Variants in PRKCE observed in about 807,000 individuals in gnomAD.
PRKCE encodes protein kinase C epsilon type.
A neutral mutation model predicts 85.4 loss-of-function variants in PRKCE; 16 were observed. The observed-to-expected ratio is 0.19, with a 90% CI of 0.13 to 0.28. The LOEUF (loss-of-function observed/expected upper bound fraction) is 0.28, where lower values mean the gene tolerates loss of function less well. Ranked by LOEUF, PRKCE falls within the 10% of genes least tolerant of loss-of-function variation. The pLI is 1.00. For synonymous variants in PRKCE, 388 were observed against 371.5 expected (o/e 1.04, Z -0.51); for missense variants, 573 against 975.2 (o/e 0.59, Z 5.49).
chr2:46,017,030 T>TC, intron 10 of PRKCE, among the ~76,000 whole-genome samples: 1 of 151,290 alleles, frequency 6.6e-6, no homozygotes, highest in African/African-American at 2.4e-5. Flanking sequence ...CCCCTTTTTT[T>TC]TTTCGGAATT....
intron 2 of PRKCE, among the ~76,000 whole-genome samples, chr2:45,884,978 TATATATATA>T (rs1276515514): frequency 1.4e-5 from 1 of 69,194 alleles, no homozygotes; most frequent in Admixed American, 1.8e-4. Context: ...TATATATATA[TATATATATA>T]TATATATATA....
At chr2:45,761,186 G>A (rs1015887406) in intron 1 of PRKCE, among the ~76,000 whole-genome samples, 6 of 152,000 alleles carry the variant, frequency 3.9e-5, no homozygotes, top group Non-Finnish European at 7.4e-5. Flanking sequence ...AATTAGCCGA[G>A]TGTGGTGGTG....
chr2:45,730,707 G>C (rs754434046), intron 1 of PRKCE, among the ~76,000 whole-genome samples: 22 of 151,898 alleles, frequency 1.4e-4, no homozygotes, highest in Admixed American at 2.6e-4. Context: ...CTATCTACCC[G>C]CCTCAGCCTC....
At chr2:45,653,480 G>A (rs962925300) in intron 1 of PRKCE, among the ~76,000 whole-genome samples, 3 of 144,564 alleles carry the variant, frequency 2.1e-5, no homozygotes, top group South Asian at 2.3e-4. Flanking sequence ...AAGTACAAGC[G>A]TTCCTCTGGA....
intron 14 of PRKCE, among the ~76,000 whole-genome samples, chr2:46,181,637 A>C (rs569537618): frequency 5.3e-5 from 8 of 152,314 alleles, no homozygotes; most frequent in African/African-American, 1.9e-4. Flanking sequence ...CTTTACCACT[A>C]TGCTCAGTTG....
intron 13 of PRKCE, among the ~76,000 whole-genome samples, chr2:46,157,131 T>C (rs1404016024): frequency 6.6e-6 from 1 of 152,188 alleles, no homozygotes. Flanking sequence ...TGCAGAGGAC[T>C]CTCTTGGGTA....
chr2:45,832,313 C>CTA (rs566225085), intron 1 of PRKCE, among the ~76,000 whole-genome samples: 1 of 137,964 alleles, frequency 7.2e-6, no homozygotes, highest in Non-Finnish European at 1.5e-5. Flanking sequence ...CAAGGAGCAA[C>CTA]TTTTTTTTTT....
intron 1 of PRKCE, among the ~76,000 whole-genome samples, chr2:45,736,892 G>A (rs1178057147): frequency 1.3e-5 from 2 of 152,208 alleles, no homozygotes; most frequent in Non-Finnish European, 2.9e-5. Context: ...GGTTTAAGGT[G>A]ATCAGGGGAG....
chr2:46,010,613 A>G, intron 10 of PRKCE, 96 bp downstream of exon 10: 1 of 1,599,158 alleles, frequency 6.3e-7, no homozygotes, highest in Non-Finnish European at 8.5e-7. Context: ...TCTCTCAAAG[A>G]CTTTGTAAAG....
At chr2:45,852,346 C>T (rs1417782917) in intron 2 of PRKCE, among the ~76,000 whole-genome samples, 1 of 152,204 alleles carries the variant, frequency 6.6e-6, no homozygotes, top group Non-Finnish European at 1.5e-5. Context: ...AAACAGTTAA[C>T]TCAAGGGAAG....
chr2:45,874,354 C>G (rs1156922359), intron 2 of PRKCE, among the ~76,000 whole-genome samples: 1 of 152,244 alleles, frequency 6.6e-6, no homozygotes, highest in African/African-American at 2.4e-5. Context: ...CGTGATGACG[C>G]TGGCCTGCCC....
In PRKCE at chr2:46,159,623, C is replaced by G. The variant is rs770313545; in HGVS notation, c.1938C>G (p.Pro646=). ...SILKAFMTKN[P]HKRLGCVASQ... ...CCCTGCAGTTCATGACGAAGAATCC[C>G]CACAAGCGCCTGGGCTGTGTGGCAT... The change falls in exon 14 of 15, where the codon CCC becomes CCG. Residue 646 remains proline, a synonymous_variant. Coordinates refer to ENST00000306156, the MANE Select transcript of PRKCE (RefSeq NM_005400.3). The surrounding 1 kb of genome is among the most constrained non-coding windows in gnomAD (Gnocchi z 4.1). The G allele has an allele frequency of 6.3e-7, 1 of 1,595,608 alleles. No homozygotes were observed.
At chr2:46,154,722 T>A (rs1558509935) in intron 13 of PRKCE, among the ~76,000 whole-genome samples, 1 of 151,398 alleles carries the variant, frequency 6.6e-6, no homozygotes, top group Non-Finnish European at 1.5e-5. Context: ...AGTAGCATTT[T>A]CTCAGTGAGG....
intron 3 of PRKCE, among the ~76,000 whole-genome samples, chr2:45,977,144 A>G (rs866414999): frequency 6.6e-6 from 1 of 151,778 alleles, no homozygotes; most frequent in Non-Finnish European, 1.5e-5. Flanking sequence ...TGATCCACCC[A>G]CCTCTGCCCC....
chr2:45,857,790 C>T (rs1692796663), intron 2 of PRKCE, among the ~76,000 whole-genome samples: 1 of 152,108 alleles, frequency 6.6e-6, no homozygotes, highest in Non-Finnish European at 1.5e-5. Context: ...GATCTAAGCT[C>T]TATCGGGGCA....
At chr2:45,699,309 TTGTC>T (rs1678420134) in intron 1 of PRKCE, among the ~76,000 whole-genome samples, 1 of 152,174 alleles carries the variant, frequency 6.6e-6, no homozygotes, top group Non-Finnish European at 1.5e-5. Flanking sequence ...ATGTGTGTCT[TTGTC>T]TGTAGCTTCT....
intron 10 of PRKCE, among the ~76,000 whole-genome samples, chr2:46,018,483 T>G (rs1394171114): frequency 6.6e-6 from 1 of 152,152 alleles, no homozygotes; most frequent in Non-Finnish European, 1.5e-5. Flanking sequence ...AAAAAAAATT[T>G]TTTTAAAAAA....
intron 7 of PRKCE, among the ~76,000 whole-genome samples, chr2:46,003,774 G>T (rs1457026564): frequency 6.6e-6 from 1 of 152,182 alleles, no homozygotes; most frequent in Non-Finnish European, 1.5e-5. Flanking sequence ...TATTTGGATA[G>T]AATTAAAAGT....
chr2:45,696,766 A>T (rs971991006), intron 1 of PRKCE, among the ~76,000 whole-genome samples: 2 of 152,188 alleles, frequency 1.3e-5, no homozygotes, highest in African/African-American at 4.8e-5. Context: ...CACAGAGTGA[A>T]ATCTGGCCAC....
Sources: allele counts gnomAD v4.1 joint callset (sites outside exome capture counted in the v4.1 genomes callset), GRCh38; gene constraint gnomAD v4.1.1; non-coding constraint Gnocchi (gnomAD v3.1); transcripts MANE v1.5; gene names NCBI Gene and HGNC (gene_info 2026-07-23, HGNC 2026-07-21).